Variants in EYS observed in about 807,000 individuals in gnomAD.
EYS encodes protein eyes shut homolog.
In EYS, 250 loss-of-function variants were observed where a neutral mutation model predicts 282.1. The ratio of observed to expected loss-of-function variants is 0.89; its 90% CI spans 0.80 to 0.98. The LOEUF (loss-of-function observed/expected upper bound fraction) is 0.98. Among genes scored for constraint, EYS ranks in the 50% least tolerant of loss-of-function variants. The pLI is 0.00. For synonymous variants in EYS, 1,355 were observed against 1,282.9 expected, an observed-to-expected ratio of 1.06 and a Z score of -1.20; for missense variants, 4,016 against 3,709.0, an observed-to-expected ratio of 1.08 and a Z score of -2.15.
chr6:64,312,831 C>T (rs1023377062), intron 29 of EYS, among the ~76,000 whole-genome samples: 15 of 152,134 alleles, frequency 9.9e-5, no homozygotes, highest in African/African-American at 3.6e-4. Context: ...AAAGTAATAA[C>T]ATCAACATCA....
intron 5 of EYS, among the ~76,000 whole-genome samples, chr6:65,485,246 A>C (rs1246366045): frequency 6.6e-6 from 1 of 152,244 alleles, no homozygotes; most frequent in Non-Finnish European, 1.5e-5. Flanking sequence ...GAATGCATAC[A>C]TTAATTGAGC....
rs572215128 is a variant in EYS at position 65,064,387 on chromosome 6, T to C, written c.2024-6660A>G. Reference sequence around the variant, plus strand: ...TATATATACCATATACTATGTGATATATAGTATACGATATATCATATATAC... The same window carrying C: ...TATATATACCATATACTATGTGATACATAGTATACGATATATCATATATAC... On this transcript the variant is annotated intron_variant, in intron 12 of 42. Coordinates refer to ENST00000503581, the MANE Select transcript of EYS (RefSeq NM_001142800.2). 4.8e-5 allele frequency among the ~76,000 whole-genome samples: 7 copies of C among 145,076 alleles called. No homozygotes were observed. The South Asian group carries it at 1.5e-3, about 31-fold the overall frequency.
intron 11 of EYS, among the ~76,000 whole-genome samples, chr6:65,334,441 T>A (rs193045144): frequency 6.6e-4 from 100 of 151,804 alleles, no homozygotes; most frequent in Admixed American, 6.0e-3. Flanking sequence ...CTGATTTTTT[T>A]AAGTTTTTTG....
chr6:64,230,871 T>A, intron 30 of EYS, 47 bp from the exon 31 acceptor site: 1 of 1,132,120 alleles, frequency 8.8e-7, no homozygotes, highest in Non-Finnish European at 1.3e-6. Flanking sequence ...GTAAAAGCAC[T>A]AGGAACATAA....
At position 63,721,545 on chromosome 6, in the gene EYS, AAAG is replaced by A. The variant is rs1768391034; in HGVS notation, c.8483_8485del (p.Ser2828del). The A allele has an allele frequency of 1.3e-6, 2 of 1,551,758 alleles. No homozygotes were observed. Among genetic ancestry groups the A allele is most frequent in the Admixed American group, 2.0e-5 (1 of 50,976 alleles). Reference sequence around the variant, plus strand: ...TATTGCCATGGGATTTACAAGATTTAAAGAAGATACTCCTCCAATATAGAAGTC... The same window carrying A: ...TATTGCCATGGGATTTACAAGATTTAAAGATACTCCTCCAATATAGAAGTC... On this transcript the variant is annotated inframe_deletion, in exon 43 of 43. Coordinates refer to ENST00000503581, the MANE Select transcript of EYS (RefSeq NM_001142800.2).
Position 63,721,097 on chromosome 6 carries a change from C to T in EYS, c.8934G>A (p.Gln2978=). The change falls in exon 43 of 43, where the codon CAG becomes CAA. Residue 2978 remains glutamine (Q), a synonymous_variant. Coordinates refer to ENST00000503581, the MANE Select transcript of EYS (RefSeq NM_001142800.2). ...TGAAATTTAAGGATATAGTAGTGAA[C>T]TGGAGGTTTCTCATTCTATAATTTG... is the stretch of plus-strand genomic sequence containing the variant. ...IDPNYRMRNL[Q]FTTISLNFST... The T allele has an allele frequency of 6.4e-7, 1 of 1,551,310 alleles. No homozygotes were observed. Among genetic ancestry groups the T allele is most frequent in the Non-Finnish European group, 8.7e-7 (1 of 1,146,722 alleles).
In EYS at chr6:64,801,825, T is replaced by C. The variant is rs1764238820; in HGVS notation, c.3443+11553A>G. ...ATGAGGAGAAAGAAGGAAGTGGACATGGTAGAAAGAAATGTACCATACCCG... is the reference window on the plus strand; with the variant it reads ...ATGAGGAGAAAGAAGGAAGTGGACACGGTAGAAAGAAATGTACCATACCCG... On this transcript the variant is annotated intron_variant, in intron 22 of 42. Coordinates refer to ENST00000503581, the MANE Select transcript of EYS (RefSeq NM_001142800.2). Among the ~76,000 whole-genome samples the C allele has an allele frequency of 3.3e-5, 5 of 152,046 alleles. No homozygotes were observed. The South Asian group carries it at 1.0e-3, about 32-fold the overall frequency.
intron 1 of EYS, among the ~76,000 whole-genome samples, chr6:65,662,458 G>A (rs1282622695): frequency 2.0e-5 from 3 of 152,080 alleles, no homozygotes; most frequent in Non-Finnish European, 4.4e-5. Flanking sequence ...GGGAGACATC[G>A]ATGTTAAATA....
At chr6:63,985,993 A>G (rs1441433356) in intron 34 of EYS, among the ~76,000 whole-genome samples, 1 of 151,890 alleles carries the variant, frequency 6.6e-6, no homozygotes, top group African/African-American at 2.4e-5. Flanking sequence ...TAGACAATCT[A>G]AATAATGGGA....
At chr6:64,251,396 G>A (rs922881392) in intron 30 of EYS, among the ~76,000 whole-genome samples, 2 of 152,120 alleles carry the variant, frequency 1.3e-5, no homozygotes, top group Non-Finnish European at 2.9e-5. Context: ...TGAATAGCTA[G>A]GGTTGCTTCT....
intron 2 of EYS, among the ~76,000 whole-genome samples, chr6:65,505,076 A>C (rs1041567017): frequency 2.2e-4 from 34 of 151,844 alleles, no homozygotes; most frequent in Non-Finnish European, 2.7e-4. Context: ...TATTGATTCA[A>C]TTTCTTTAAT....
At chr6:65,331,194 T>G (rs1769784508) in intron 11 of EYS, 2 of 780,880 alleles carry the variant, frequency 2.6e-6, no homozygotes, top group African/African-American at 1.9e-5. Flanking sequence ...ACTTGCAATA[T>G]TTTTACTATT....
At chr6:63,753,263 G>A (rs1769390767) in intron 41 of EYS, among the ~76,000 whole-genome samples, 1 of 151,196 alleles carries the variant, frequency 6.6e-6, no homozygotes, top group African/African-American at 2.4e-5. Context: ...TGTATAGGAA[G>A]ATTTATGGAT....
At chr6:64,435,438 CTTT>C (rs71551587) in intron 28 of EYS, among the ~76,000 whole-genome samples, 1 of 135,220 alleles carries the variant, frequency 7.4e-6, no homozygotes, top group Admixed American at 7.4e-5. Context: ...CTTCTTCTTC[CTTT>C]TTTTTTTTTT....
At chr6:65,213,016 C>G (rs376078558) in intron 12 of EYS, among the ~76,000 whole-genome samples, 2 of 151,814 alleles carry the variant, frequency 1.3e-5, no homozygotes, top group East Asian at 3.9e-4. Context: ...CAGGATTATT[C>G]AACTGTTTTT....
intron 31 of EYS, among the ~76,000 whole-genome samples, chr6:64,224,174 T>C (rs1206805226): frequency 3.9e-5 from 6 of 152,084 alleles, no homozygotes. Flanking sequence ...TAAAAAAATC[T>C]ATACTGTATT....
At chr6:63,780,824 A>T (rs1371973268) in intron 39 of EYS, among the ~76,000 whole-genome samples, 1 of 152,202 alleles carries the variant, frequency 6.6e-6, no homozygotes, top group Non-Finnish European at 1.5e-5. Flanking sequence ...GTCCTTGCCT[A>T]TGCCTATGTC....
chr6:64,367,252 A>C (rs1038519865), intron 29 of EYS, among the ~76,000 whole-genome samples: 10 of 152,192 alleles, frequency 6.6e-5, no homozygotes, highest in African/African-American at 2.4e-4. Flanking sequence ...GCTCATGAGA[A>C]TCTCATGGAC....
At chr6:65,565,999 A>G (rs919233468) in intron 2 of EYS, among the ~76,000 whole-genome samples, 9 of 152,034 alleles carry the variant, frequency 5.9e-5, no homozygotes, top group African/African-American at 2.2e-4. Flanking sequence ...CCTAATGTAG[A>G]TGATGGGTTG....
Sources: gnomAD v4.1 joint callset for allele counts (sites outside exome capture counted in the v4.1 genomes callset) on GRCh38, gnomAD v4.1.1 for gene constraint, MANE v1.5 for transcripts, NCBI Gene and HGNC (gene_info 2026-07-23, HGNC 2026-07-21) for gene names.